The following SNX7 variants were observed in gnomAD, a reference collection of about 807,000 sequenced individuals.
The protein encoded by SNX7 is sorting nexin 7, also known as sorting nexin-7.
SNX7 carries 35 observed loss-of-function variants against 48.4 expected under a neutral mutation model. That is an observed-to-expected ratio of 0.72 (90% confidence interval 0.55 to 0.96). The LOEUF (loss-of-function observed/expected upper bound fraction) is 0.96. Among genes scored for constraint, SNX7 ranks in the 40% least tolerant of loss-of-function variants. The pLI is 0.00. For missense variants in SNX7, 553 were observed against 548.9 expected, an observed-to-expected ratio of 1.01 and a Z score of -0.07; for synonymous variants, 190 against 190.2, an observed-to-expected ratio of 1.00 and a Z score of 0.01.
chr1:98,662,653 A>C (rs1649311305), intron 1 of SNX7: 1 of 1,287,318 alleles, frequency 7.8e-7, no homozygotes. Flanking sequence ...TGGTGTTTGT[A>C]ATTTCTTAAA....
intron 4 of SNX7, among the ~76,000 whole-genome samples, chr1:98,693,447 A>G (rs1368826782): frequency 2.6e-5 from 4 of 152,230 alleles, no homozygotes; most frequent in Admixed American, 1.3e-4. Context: ...GTTCATTTCA[A>G]TCTTGACAGA....
intron 2 of SNX7, among the ~76,000 whole-genome samples, chr1:98,686,726 G>C (rs1035724868): frequency 1.2e-4 from 19 of 152,012 alleles, no homozygotes; most frequent in African/African-American, 4.3e-4. Context: ...TAGTTTTCTT[G>C]TTTGTAAATA....
chr1:98,709,377 T>C (rs776410458), intron 7 of SNX7, among the ~76,000 whole-genome samples: 9 of 152,180 alleles, frequency 5.9e-5, no homozygotes, highest in Non-Finnish European at 1.0e-4. Context: ...TAGTGACCAC[T>C]CCCATTTGCC....
At chr1:98,675,546 G>A (rs368079029) in intron 1 of SNX7, among the ~76,000 whole-genome samples, 94 of 152,240 alleles carry the variant, frequency 6.2e-4, no homozygotes, top group African/African-American at 1.1e-3. Context: ...CATTTCAAGC[G>A]GAAGAAATAG....
chr1:98,718,197 A>G (rs1253576626), intron 7 of SNX7, among the ~76,000 whole-genome samples: 1 of 152,168 alleles, frequency 6.6e-6, no homozygotes, highest in Non-Finnish European at 1.5e-5. Flanking sequence ...TCAAATTTTT[A>G]GTTACAATAT....
intron 7 of SNX7, among the ~76,000 whole-genome samples, chr1:98,707,003 G>T (rs776251244): frequency 2.6e-5 from 4 of 152,146 alleles, no homozygotes; most frequent in Non-Finnish European, 5.9e-5. Context: ...TTCAGCTGAA[G>T]ATATGTATTT....
chr1:98,671,279 A>G (rs1649850103), intron 1 of SNX7, among the ~76,000 whole-genome samples: 1 of 152,152 alleles, frequency 6.6e-6, no homozygotes, highest in Non-Finnish European at 1.5e-5. Flanking sequence ...TGCTTAAAAG[A>G]TTTTGCTCAT....
At chr1:98,693,931 T>A (rs1651285899) in intron 4 of SNX7, among the ~76,000 whole-genome samples, 1 of 152,232 alleles carries the variant, frequency 6.6e-6, no homozygotes, top group South Asian at 2.1e-4. Context: ...TCCTTTTTTG[T>A]TTGTATTTGT....
intron 6 of SNX7, 59 bp from the exon 7 acceptor site, chr1:98,701,758 A>C: frequency 8.9e-7 from 1 of 1,125,636 alleles, no homozygotes; most frequent in South Asian, 1.5e-5. Flanking sequence ...TATTTTTGCT[A>C]TAGGAAAGAT....
Position 98,760,367 on chromosome 1 carries a change from G to T in SNX7, c.*236G>T. ...ATATATAAATACAGAGAGATATCTG[G>T]CTTGGTTTTAATTATGTTCTTAAAT... is the stretch of plus-strand genomic sequence containing the variant. On this transcript the variant is annotated 3_prime_UTR_variant, in exon 9 of 9. Transcript: ENST00000306121. The T allele has an allele frequency of 5.8e-6, 2 of 342,010 alleles. No homozygotes were observed. Among genetic ancestry groups the T allele is most frequent in the Non-Finnish European group, 1.1e-5 (2 of 189,526 alleles). The allele number at this position is 342,010 out of a possible 1,614,324, so 21.2% of individuals were successfully genotyped here.
intron 8 of SNX7, among the ~76,000 whole-genome samples, chr1:98,745,805 A>T (rs574832528): frequency 3.2e-4 from 48 of 152,176 alleles, no homozygotes; most frequent in African/African-American, 1.1e-3. Flanking sequence ...TTTTCTGTGG[A>T]TCATCTAATT....
At chr1:98,696,428 A>G (rs1003115896) in intron 5 of SNX7, among the ~76,000 whole-genome samples, 2 of 152,106 alleles carry the variant, frequency 1.3e-5, no homozygotes, top group African/African-American at 4.8e-5. Flanking sequence ...AAGCTGGGAA[A>G]TATCTTATTT....
At chr1:98,689,321 A>G (rs1158283458) in intron 2 of SNX7, among the ~76,000 whole-genome samples, 2 of 152,186 alleles carry the variant, frequency 1.3e-5, no homozygotes, top group Non-Finnish European at 2.9e-5. Flanking sequence ...ATTCCTACAT[A>G]TGTGTCTCTT....
In SNX7 at chr1:98,691,937, ACTCTCTCT is replaced by A. The variant is rs59743636; in HGVS notation, c.639+261_639+268del. ...TATACACACACACACACACACACAC[ACTCTCTCT>A]CTCTCTCTCTCTCTCTCTCTCTAAT... On this transcript the variant is annotated intron_variant, in intron 4 of 8. Coordinates refer to ENST00000306121, the MANE Select transcript of SNX7 (RefSeq NM_015976.5). Among the ~76,000 whole-genome samples the A allele has an allele frequency of 9.7e-4, 127 of 131,174 alleles. 1 individual carries two copies. The highest frequency in any genetic ancestry group is 7.5e-3 in the South Asian group (28 of 3,754). The allele number at this position is 131,174 out of a possible 152,430, so 86.1% of individuals were successfully genotyped here. A position where few individuals can be genotyped will look rare whatever the true frequency, so the allele number is the denominator to read the frequency against.
chr1:98,748,875 G>A (rs912301227), intron 8 of SNX7, among the ~76,000 whole-genome samples: 1 of 151,990 alleles, frequency 6.6e-6, no homozygotes, highest in African/African-American at 2.4e-5. Context: ...GTCTTTAGGA[G>A]AATAAAACTG....
Position 98,681,589 on chromosome 1 carries a change from AG to A in SNX7, c.181-3294del, listed in dbSNP as rs1291512698. ...AAACGTATGTATATATTTGAGAGAA[AG>A]GAAACATTGCCTATAAAGTAGCTTC... On this transcript the variant is annotated intron_variant, in intron 1 of 8. Transcript: ENST00000306121. Among the ~76,000 whole-genome samples, 6 of 152,238 alleles carry A rather than the reference AG, an allele frequency of 3.9e-5. No individual in the cohort carries two copies. In the East Asian group the frequency reaches 1.2e-3, roughly 29 times the overall value.
chr1:98,727,869 G>A (rs529024670), intron 7 of SNX7, among the ~76,000 whole-genome samples: 5 of 151,970 alleles, frequency 3.3e-5, no homozygotes, highest in Admixed American at 1.3e-4. Context: ...CAAAACCTCC[G>A]AGAACTATGA....
At chr1:98,745,998 C>A (rs1360565401) in intron 8 of SNX7, among the ~76,000 whole-genome samples, 1 of 151,838 alleles carries the variant, frequency 6.6e-6, no homozygotes, top group African/African-American at 2.4e-5. Flanking sequence ...GCAATCAGTT[C>A]TTTTTTCAAA....
chr1:98,680,512 AT>A (rs1398699073), intron 1 of SNX7, among the ~76,000 whole-genome samples: 1 of 152,128 alleles, frequency 6.6e-6, no homozygotes, highest in African/African-American at 2.4e-5. Flanking sequence ...TTTCTATCAC[AT>A]TATCAGGCTG....
Sources: gnomAD v4.1 joint callset for allele counts (sites outside exome capture counted in the v4.1 genomes callset) on GRCh38, gnomAD v4.1.1 for gene constraint, MANE v1.5 for transcripts, NCBI Gene and HGNC (gene_info 2026-07-23, HGNC 2026-07-21) for gene names.